The following TENT5D variants were observed in gnomAD, a reference collection of about 807,000 sequenced individuals.
TENT5D encodes terminal nucleotidyltransferase 5D.
For synonymous variants in TENT5D, 103 were observed against 100.6 expected, an observed-to-expected ratio of 1.02 and a Z score of -0.15; for missense variants, 191 against 287.0, an observed-to-expected ratio of 0.67 and a Z score of 2.42.
upstream of TENT5D, among the ~76,000 whole-genome samples, chrX:80,419,830 C>A (rs944760332): frequency 9.0e-6 from 1 of 111,571 alleles, no homozygotes; most frequent in African/African-American, 3.3e-5. Flanking sequence ...CCTACCTCAG[C>A]CTCCTGAGTA....
chrX:80,443,714 T>C, exon 3 of TENT5D: 4 of 1,149,613 alleles, frequency 3.5e-6, no homozygotes, highest in Non-Finnish European at 4.7e-6. Context: ...AGTTAAAAAA[T>C]ACACATGCAA....
intron 3 of TENT5D, among the ~76,000 whole-genome samples, chrX:80,390,810 A>G (rs1931109343): frequency 8.9e-6 from 1 of 111,925 alleles, no homozygotes; most frequent in Non-Finnish European, 1.9e-5. Context: ...AAGGACAGAT[A>G]CTGAGATGCA....
chrX:80,358,122 C>A (rs921905240), intron 3 of TENT5D, among the ~76,000 whole-genome samples: 2 of 111,707 alleles, frequency 1.8e-5, no homozygotes, highest in African/African-American at 6.5e-5. Context: ...ATGTAGAAAG[C>A]TGAAACTGGA....
At chrX:80,428,552 AGCT>A (rs1421956017) in intron 1 of TENT5D, among the ~76,000 whole-genome samples, 1 of 112,582 alleles carries the variant, frequency 8.9e-6, no homozygotes, top group Non-Finnish European at 1.9e-5. Flanking sequence ...GACTGAAGAA[AGCT>A]GCTGCTTTCA....
intron 3 of TENT5D, among the ~76,000 whole-genome samples, chrX:80,398,681 A>G (rs1046533455): frequency 9.1e-5 from 10 of 110,172 alleles, no homozygotes; most frequent in African/African-American, 2.3e-4. Flanking sequence ...TTCACCAATT[A>G]ATTTTCTTGG....
chrX:80,342,229 T>C (rs939079438), intron 2 of TENT5D, among the ~76,000 whole-genome samples: 12 of 111,802 alleles, frequency 1.1e-4, no homozygotes, highest in African/African-American at 3.6e-4. Flanking sequence ...ACTCAAATGA[T>C]ACTTATCAGA....
chrX:80,407,909 C>T (rs1931540234), intron 3 of TENT5D, among the ~76,000 whole-genome samples: 1 of 110,919 alleles, frequency 9.0e-6, no homozygotes, highest in African/African-American at 3.3e-5. Flanking sequence ...ATCTCTCAGA[C>T]CACAGTACAA....
chrX:80,388,954 G>A (rs974459508), intron 3 of TENT5D, among the ~76,000 whole-genome samples: 1 of 111,672 alleles, frequency 9.0e-6, no homozygotes, highest in Non-Finnish European at 1.9e-5. Context: ...CTAGGGCTGT[G>A]TCAAATGTTC....
intron 2 of TENT5D, among the ~76,000 whole-genome samples, chrX:80,439,587 G>A (rs193039098): frequency 9.0e-6 from 1 of 110,781 alleles, no homozygotes; most frequent in Admixed American, 9.7e-5. Context: ...CATTGATATT[G>A]TACATTATGT....
chrX:80,436,101 T>C (rs1932177661), intron 1 of TENT5D, among the ~76,000 whole-genome samples: 1 of 111,427 alleles, frequency 9.0e-6, no homozygotes, highest in Non-Finnish European at 1.9e-5. Flanking sequence ...TAATCTAAAC[T>C]ATTCTGTGGA....
At chrX:80,349,032 C>CTT (rs1569355533) in intron 3 of TENT5D, among the ~76,000 whole-genome samples, 1 of 111,890 alleles carries the variant, frequency 8.9e-6, no homozygotes, top group Non-Finnish European at 1.9e-5. Flanking sequence ...GATGGATAAG[C>CTT]TTTTTGATGT....
Position 80,435,747 on chromosome X carries a change from T to C in TENT5D, c.-141-2863T>C, listed in dbSNP as rs182631651. On this transcript the variant is annotated intron_variant, in intron 1 of 2. Transcript: ENST00000308293. Reference sequence around the variant, plus strand: ...TACTACTTCTTATTGAGAACAAAGTTCCTTTAAATATTTTGCATCTACAGT... The same window carrying C: ...TACTACTTCTTATTGAGAACAAAGTCCCTTTAAATATTTTGCATCTACAGT... Among the ~76,000 whole-genome samples, 16 of 112,515 alleles carry C rather than the reference T, an allele frequency of 1.4e-4. No homozygotes were observed. The East Asian group carries it at 4.5e-3, about 31-fold the overall frequency.
chrX:80,349,939 G>T (rs769276467), intron 3 of TENT5D, among the ~76,000 whole-genome samples: 1 of 111,429 alleles, frequency 9.0e-6, no homozygotes, highest in Non-Finnish European at 1.9e-5. Context: ...AGGTTGTTCA[G>T]TTTCCATGTA....
intron 3 of TENT5D, among the ~76,000 whole-genome samples, chrX:80,347,601 A>G (rs765700339): frequency 9.0e-6 from 1 of 111,326 alleles, no homozygotes; most frequent in Non-Finnish European, 1.9e-5. Flanking sequence ...GATTGCAAAA[A>G]TTTTCTCCCA....
intron 3 of TENT5D, among the ~76,000 whole-genome samples, chrX:80,405,310 G>A (rs1209086275): frequency 8.9e-6 from 1 of 112,720 alleles, no homozygotes; most frequent in East Asian, 2.8e-4. Flanking sequence ...CAACACAGAA[G>A]ACGGGTGATT....
At position 80,370,353 on chromosome X, in the gene TENT5D, A is replaced by G. The variant is rs28523314; in HGVS notation, c.-142+27789A>G. On this transcript the variant is annotated intron_variant, in intron 3 of 4. Coordinates refer to the TENT5D transcript ENST00000538312. The stretch of plus-strand genomic sequence containing the variant: ...CTTGAGTGGATCATGAAATTATTAT[A>G]TACTTTTTTGACTTAAAGTACTTTT... Among the ~76,000 whole-genome samples, 489 of 111,858 alleles carry G rather than the reference A, an allele frequency of 4.4e-3. 2 individuals carry two copies. The highest frequency in any genetic ancestry group is 0.015 in the African/African-American group (460 of 30,853).
chrX:80,419,372 T>C (rs1931839307), upstream of TENT5D, among the ~76,000 whole-genome samples: 1 of 112,227 alleles, frequency 8.9e-6, no homozygotes, highest in African/African-American at 3.2e-5. Flanking sequence ...TCATATATTA[T>C]ACTGCCAGGA....
intron 1 of TENT5D, among the ~76,000 whole-genome samples, chrX:80,436,224 G>A (rs1932179637): frequency 9.1e-6 from 1 of 110,278 alleles, no homozygotes; most frequent in African/African-American, 3.3e-5. Flanking sequence ...TTATCTGAAT[G>A]TCTACTAAAT....
intron 1 of TENT5D, among the ~76,000 whole-genome samples, chrX:80,435,531 T>A (rs966011): frequency 0.097 from 10,855 of 112,251 alleles, 517 homozygotes; most frequent in African/African-American, 0.18. Flanking sequence ...TTTAATGTAA[T>A]GTACTAATAC....
Sources: allele counts gnomAD v4.1 joint callset (sites outside exome capture counted in the v4.1 genomes callset), GRCh38; gene constraint gnomAD v4.1.1; transcripts MANE v1.5; gene names NCBI Gene and HGNC (gene_info 2026-07-23, HGNC 2026-07-21).